The following ARHGAP23 variants were observed in gnomAD, a reference collection of about 807,000 sequenced individuals.
ARHGAP23 encodes the protein rho GTPase-activating protein 23.
Under a neutral mutation model 136.3 loss-of-function variants are expected in ARHGAP23, and 34 were observed. That is an observed-to-expected ratio of 0.25 (90% CI 0.19 to 0.33). The LOEUF is 0.33. Among genes scored for constraint, ARHGAP23 ranks in the 10% least tolerant of loss-of-function variants. The probability of loss-of-function intolerance (pLI) is 1.00; values close to 1 mark genes in which losing one functional copy is unlikely to be tolerated. For missense variants in ARHGAP23, 1,808 were observed against 2,139.0 expected (o/e 0.85, Z 3.05); for synonymous variants, 832 against 920.5 (o/e 0.90, Z 1.74).
chr17:38,423,770 G>C (rs1344881675), upstream of ARHGAP23, among the ~76,000 whole-genome samples: 6 of 152,084 alleles, frequency 3.9e-5, no homozygotes, highest in Admixed American at 3.3e-4. Context: ...TAGAGGACCT[G>C]GGGGCTGAAG....
intron 10 of ARHGAP23, among the ~76,000 whole-genome samples, chr17:38,471,461 G>C (rs761911927): frequency 3.3e-5 from 5 of 152,136 alleles, no homozygotes; most frequent in African/African-American, 1.2e-4. Flanking sequence ...TTAACTCCTC[G>C]TGGACATGAC....
At chr17:38,465,736 A>AC (rs2039574662) in intron 6 of ARHGAP23, among the ~76,000 whole-genome samples, 1 of 148,282 alleles carries the variant, frequency 6.7e-6, no homozygotes, top group African/African-American at 2.5e-5. Flanking sequence ...ACCCAGACAC[A>AC]CCCCTAGCCG....
intron 11 of ARHGAP23, among the ~76,000 whole-genome samples, chr17:38,475,095 C>G (rs2039861412): frequency 6.6e-6 from 1 of 152,228 alleles, no homozygotes; most frequent in African/African-American, 2.4e-5. Context: ...TCTCTTGGTG[C>G]CGTGGCCTGG....
chr17:38,421,981 ATG>A (rs1232575328), intron 1 of ARHGAP23, among the ~76,000 whole-genome samples: 1 of 152,064 alleles, frequency 6.6e-6, no homozygotes, highest in East Asian at 1.9e-4. Flanking sequence ...ATGTGCAGTG[ATG>A]TGTGGGGACC....
intron 23 of ARHGAP23, among the ~76,000 whole-genome samples, chr17:38,501,590 T>C (rs1186290694): frequency 6.6e-6 from 1 of 152,014 alleles, no homozygotes; most frequent in Admixed American, 6.6e-5. Context: ...CGTGAGTCAC[T>C]GCGCCTGGCT....
At chr17:38,469,439 T>C (rs1021451148) in intron 8 of ARHGAP23, 85 bp from the exon 9 acceptor site, 20 of 1,467,204 alleles carry the variant, frequency 1.4e-5, no homozygotes, top group Admixed American at 2.2e-5. Context: ...AGTCACCTCC[T>C]GCCCCTGCCC....
At chr17:38,470,112 G>A (rs2039714348) in intron 10 of ARHGAP23, among the ~76,000 whole-genome samples, 2 of 152,160 alleles carry the variant, frequency 1.3e-5, no homozygotes, top group Non-Finnish European at 2.9e-5. Context: ...ATGCAGCCCC[G>A]CCCATGGGCC....
At chr17:38,433,373 A>T (rs1002985185) in intron 1 of ARHGAP23, among the ~76,000 whole-genome samples, 8 of 152,138 alleles carry the variant, frequency 5.3e-5, no homozygotes, top group African/African-American at 1.4e-4. Flanking sequence ...AACTATTATT[A>T]AAAAAAATCA....
intron 20 of ARHGAP23, chr17:38,491,770 C>G: frequency 1.8e-6 from 1 of 559,102 alleles, no homozygotes; most frequent in Non-Finnish European, 3.1e-6. Flanking sequence ...GCAGGAGAGT[C>G]AAGAGGCCCC....
chr17:38,465,125 TGCC>T (rs2039557155), intron 6 of ARHGAP23, among the ~76,000 whole-genome samples: 1 of 151,646 alleles, frequency 6.6e-6, no homozygotes, highest in African/African-American at 2.4e-5. Flanking sequence ...GCTGGGATGC[TGCC>T]GCCGCCGTGA....
rs368133032 is a variant in ARHGAP23 at position 38,464,931 on chromosome 17, G to A, written c.484-1236G>A. Among the ~76,000 whole-genome samples the A allele has an allele frequency of 3.9e-5, 6 of 152,306 alleles. No homozygotes were observed. In the East Asian group the frequency reaches 7.7e-4, roughly 20 times the overall value. On this transcript the variant is annotated intron_variant, in intron 6 of 23. Transcript: ENST00000622683. Reference sequence around the variant, plus strand: ...GGCAGCTGCTGACGCCACCACCGACGCGGCGAGGCCCCTCCACACCCATCC... The same window carrying A: ...GGCAGCTGCTGACGCCACCACCGACACGGCGAGGCCCCTCCACACCCATCC...
intron 1 of ARHGAP23, among the ~76,000 whole-genome samples, chr17:38,431,131 C>T (rs936266095): frequency 6.6e-6 from 1 of 152,176 alleles, no homozygotes; most frequent in Non-Finnish European, 1.5e-5. Context: ...TTCTCAGGAC[C>T]TGCTATGTCC....
At chr17:38,506,717 C>T (rs1174636125) in intron 23 of ARHGAP23, among the ~76,000 whole-genome samples, 1 of 152,176 alleles carries the variant, frequency 6.6e-6, no homozygotes. Context: ...TCAAAAGGTC[C>T]CACCTTCACC....
chr17:38,505,350 CT>C (rs2040611124), intron 23 of ARHGAP23, among the ~76,000 whole-genome samples: 1 of 151,910 alleles, frequency 6.6e-6, no homozygotes, highest in Non-Finnish European at 1.5e-5. Context: ...AAGGGGACCA[CT>C]TTTGTCTTCT....
intron 10 of ARHGAP23, 41 bp downstream of exon 10, chr17:38,469,945 T>G (rs1262410447): frequency 1.3e-5 from 20 of 1,548,826 alleles, no homozygotes; most frequent in Non-Finnish European, 1.7e-5. Flanking sequence ...GGAGCGAGGG[T>G]GTGGGGAGAG....
chr17:38,440,531 A>T (rs913765833), intron 1 of ARHGAP23, among the ~76,000 whole-genome samples: 4 of 152,172 alleles, frequency 2.6e-5, no homozygotes, highest in African/African-American at 9.7e-5. Flanking sequence ...TGAGGCTTGG[A>T]GAGGGAAAGG....
At position 38,466,872 on chromosome 17, in the gene ARHGAP23, C is replaced by A. The variant is rs921210417; in HGVS notation, c.1189C>A (p.Leu397Met). The A allele has an allele frequency of 3.2e-6, 5 of 1,549,836 alleles. No individual in the cohort carries two copies. Among genetic ancestry groups the A allele is most frequent in the Non-Finnish European group, 4.4e-6 (5 of 1,146,824 alleles). ...CACCCCCGCCTGCCCAACTCGGGAC[C>A]TGCCAGGGCCCCAGGCCCCACCCCC... ...ARTPACPTRD[L>M]PGPQAPPPSG... The change falls in exon 7 of 24, where the codon CTG becomes ATG. Residue 397 changes from leucine to methionine, a missense_variant. Around this residue, in one of 7 missense-constraint regions of ARHGAP23, gnomAD observed 859 missense variants for 936.4 expected, o/e 0.92. Transcript: ENST00000622683.
At chr17:38,427,866 C>T (rs977217464), upstream of ARHGAP23, among the ~76,000 whole-genome samples, 1 of 152,212 alleles carries the variant, frequency 6.6e-6, no homozygotes, top group African/African-American at 2.4e-5. Flanking sequence ...TGCACTAAAT[C>T]TTCCCTTGTG....
At chr17:38,462,306 T>C (rs983895124) in intron 3 of ARHGAP23, among the ~76,000 whole-genome samples, 2 of 126,766 alleles carry the variant, frequency 1.6e-5, no homozygotes, top group South Asian at 5.8e-4. Flanking sequence ...CAGGCTGGAG[T>C]GCAGTGGCAC....
Sources: gnomAD v4.1 joint callset for allele counts (sites outside exome capture counted in the v4.1 genomes callset) on GRCh38, gnomAD v4.1.1 for gene constraint, gnomAD v4.1.1 regional missense constraint, MANE v1.5 for transcripts, NCBI Gene and HGNC (gene_info 2026-07-23, HGNC 2026-07-21) for gene names.